MRPL3: variants seen among roughly 807,000 people sequenced by gnomAD.
MRPL3 encodes mitochondrial ribosomal protein L3, also known as large ribosomal subunit protein uL3m.
MRPL3 carries 43 observed loss-of-function variants against 44.3 expected under a neutral mutation model. The observed-to-expected ratio is 0.97, with a 90% CI of 0.76 to 1.25. MRPL3 has a LOEUF of 1.25. MRPL3 is among the 50% of genes most tolerant of loss of function. The pLI, the probability that MRPL3 is intolerant of heterozygous loss-of-function variation, is 0.00. For missense variants in MRPL3, 406 were observed against 427.6 expected (o/e 0.95, Z 0.45); for synonymous variants, 171 against 152.3 (o/e 1.12, Z -0.91).
At chr3:131,465,821 TAAAAACCTGC>T (rs1327373245) in intron 9 of MRPL3, among the ~76,000 whole-genome samples, 1 of 151,818 alleles carries the variant, frequency 6.6e-6, no homozygotes, top group African/African-American at 2.4e-5. Context: ...TACTTAAACT[TAAAAACCTGC>T]AAACTTAAGG....
chr3:131,498,855 T>G (rs906871229), intron 3 of MRPL3, among the ~76,000 whole-genome samples: 10 of 152,238 alleles, frequency 6.6e-5, no homozygotes, highest in Admixed American at 6.5e-4. Flanking sequence ...CTCCTCATCT[T>G]TTTACCCAAG....
intron 3 of MRPL3, among the ~76,000 whole-genome samples, 163 bp downstream of exon 3, chr3:131,500,267 T>C (rs1203740460): frequency 6.6e-6 from 1 of 152,224 alleles, no homozygotes; most frequent in Non-Finnish European, 1.5e-5. Flanking sequence ...GTGAGAACAT[T>C]CCTGAAACCA....
intron 5 of MRPL3, chr3:131,488,592 T>A (rs1934181406): frequency 6.6e-6 from 1 of 152,048 alleles, no homozygotes. Context: ...CAGCAAGAAA[T>A]TTATTATCTT....
chr3:131,473,673 C>CA (rs1292558250), intron 6 of MRPL3, among the ~76,000 whole-genome samples: 2 of 151,204 alleles, frequency 1.3e-5, no homozygotes, highest in South Asian at 2.1e-4. Flanking sequence ...AAAAGAACTG[C>CA]AAAAAAACCT....
In MRPL3 at chr3:131,500,477, G is replaced by C. The variant is rs770570889; in HGVS notation, c.322C>G (p.Pro108Ala). The C allele has an allele frequency of 4.3e-6, 7 of 1,613,710 alleles. No individual in the cohort carries two copies. Among genetic ancestry groups the C allele is most frequent in the African/African-American group, 1.3e-5 (1 of 74,908 alleles). The change falls in exon 3 of 10, where the codon CCT becomes GCT. Residue 108 changes from proline (P) to alanine (A), a missense_variant. Transcript: ENST00000264995. ...GLIALKLGMM[P>A]LWTKDGQKHV... ...TTTTGACCATCCTTGGTCCATAAAG[G>C]CATCATGCCCAGCTTCAAGGCAATA...
intron 4 of MRPL3, among the ~76,000 whole-genome samples, chr3:131,491,682 C>T (rs1408744691): frequency 3.3e-5 from 5 of 152,042 alleles, no homozygotes; most frequent in African/African-American, 9.7e-5. Context: ...GCAATTCCTC[C>T]AGACTATTTA....
Position 131,471,157 on chromosome 3 carries a change from C to T in MRPL3, c.738+14G>A, listed in dbSNP as rs556952830. The T allele has an allele frequency of 7.7e-6, 12 of 1,554,874 alleles. No individual in the cohort carries two copies. The highest frequency in any genetic ancestry group is 1.4e-5 in the African/African-American group (1 of 73,746). ...ATATTTAGCATTAAAAAGAGCTTCA[C>T]TAGTTATACTCACACCAGTTGCAAC... is the stretch of plus-strand genomic sequence containing the variant. On this transcript the variant is annotated intron_variant, in intron 7 of 9. Coordinates refer to ENST00000264995, the MANE Select transcript of MRPL3 (RefSeq NM_007208.4).
chr3:131,477,867 T>C (rs1043451732), intron 6 of MRPL3, among the ~76,000 whole-genome samples: 2 of 152,288 alleles, frequency 1.3e-5, no homozygotes, highest in African/African-American at 4.8e-5. Context: ...CCCCTTAACG[T>C]CCCGCTCCTT....
At chr3:131,477,707 G>C (rs1326499227) in intron 6 of MRPL3, among the ~76,000 whole-genome samples, 1 of 152,002 alleles carries the variant, frequency 6.6e-6, no homozygotes, top group Non-Finnish European at 1.5e-5. Flanking sequence ...AAATATTTCA[G>C]TAGAGATCTC....
chr3:131,494,663 G>A (rs1413589213), intron 4 of MRPL3, among the ~76,000 whole-genome samples: 1 of 152,020 alleles, frequency 6.6e-6, no homozygotes, highest in Non-Finnish European at 1.5e-5. Flanking sequence ...CATACTTCTC[G>A]ATTATCATCC....
In MRPL3 at chr3:131,482,986, C is replaced by CT. The variant is rs3033337; in HGVS notation, c.629+4693dup. 5.0e-3 allele frequency among the ~76,000 whole-genome samples: 710 copies of CT among 140,764 alleles called. 4 individuals carry two copies. Among genetic ancestry groups the CT allele is most frequent in the South Asian group, 0.018 (78 of 4,450 alleles). The allele number at this position is 140,764 out of a possible 152,430, so 92.3% of individuals were successfully genotyped here. On this transcript the variant is annotated intron_variant, in intron 6 of 9. Transcript: ENST00000264995. ...TTTATTTGTTCTTTGTTTCATTCTT[C>CT]TTTTTTTTTTTTTTTTTACAAGTTA...
chr3:131,496,322 T>C (rs1321974930), intron 4 of MRPL3, among the ~76,000 whole-genome samples: 4 of 152,220 alleles, frequency 2.6e-5, no homozygotes, highest in African/African-American at 7.2e-5. Context: ...TATGGAGTTA[T>C]ATGAAACCCA....
chr3:131,487,572 T>C (rs906598269), intron 6 of MRPL3, 108 bp downstream of exon 6: 11 of 870,956 alleles, frequency 1.3e-5, no homozygotes, highest in Non-Finnish European at 1.8e-5. Flanking sequence ...ATGAGAAATA[T>C]ATTTATCCTT....
intron 4 of MRPL3, among the ~76,000 whole-genome samples, chr3:131,497,431 G>T (rs1437276241): frequency 6.6e-6 from 1 of 152,108 alleles, no homozygotes; most frequent in Non-Finnish European, 1.5e-5. Context: ...GAGAGTATGG[G>T]TTGTATCCTA....
At chr3:131,471,371 G>T in intron 6 of MRPL3, 92 bp from the exon 7 acceptor site, 2 of 843,628 alleles carry the variant, frequency 2.4e-6, no homozygotes, top group Admixed American at 2.2e-5. Flanking sequence ...ACACATTCTT[G>T]TTAGAGTTTT....
intron 4 of MRPL3, 145 bp from the exon 5 acceptor site, chr3:131,490,225 C>T: frequency 1.7e-6 from 1 of 595,396 alleles, no homozygotes; most frequent in South Asian, 2.1e-5. Context: ...CACCCAATTC[C>T]CCTTATTTAA....
intron 6 of MRPL3, among the ~76,000 whole-genome samples, chr3:131,478,750 C>T (rs1044213675): frequency 1.4e-5 from 2 of 143,276 alleles, no homozygotes; most frequent in Admixed American, 7.1e-5. Context: ...GCTCTGTTTA[C>T]CAGGCTGGAG....
At chr3:131,463,177 T>G (rs1933528928) in intron 9 of MRPL3, among the ~76,000 whole-genome samples, 1 of 152,202 alleles carries the variant, frequency 6.6e-6, no homozygotes, top group African/African-American at 2.4e-5. Flanking sequence ...CTAAAATTAC[T>G]ACTTGAATTT....
chr3:131,488,791 A>G (rs1438321701), intron 5 of MRPL3: 1 of 152,098 alleles, frequency 6.6e-6, no homozygotes, highest in Non-Finnish European at 1.5e-5. Flanking sequence ...TTATATAGGC[A>G]GAGAAAAACC....
Sources: gnomAD v4.1 joint callset for allele counts (sites outside exome capture counted in the v4.1 genomes callset) on GRCh38, gnomAD v4.1.1 for gene constraint, MANE v1.5 for transcripts, NCBI Gene and HGNC (gene_info 2026-07-23, HGNC 2026-07-21) for gene names.